The following PARP12 variants were observed in gnomAD, a reference collection of about 807,000 sequenced individuals.
PARP12 encodes the protein protein mono-ADP-ribosyltransferase PARP12.
A neutral mutation model predicts 72.4 loss-of-function variants in PARP12; 59 were observed. That is an observed-to-expected ratio of 0.81 (90% CI 0.66 to 1.01). The LOEUF is 1.01. Ranked by LOEUF, PARP12 falls within the 50% of genes least tolerant of loss-of-function variation. The probability of loss-of-function intolerance (pLI) is 0.00; values close to 1 mark genes in which losing one functional copy is unlikely to be tolerated. For synonymous variants in PARP12, 403 were observed against 371.4 expected (o/e 1.09, Z -0.98); for missense variants, 851 against 914.0 (o/e 0.93, Z 0.89).
intron 7 of PARP12, among the ~76,000 whole-genome samples, chr7:140,035,747 G>C (rs1309933113): frequency 6.6e-6 from 1 of 152,110 alleles, no homozygotes; most frequent in Non-Finnish European, 1.5e-5. Context: ...AGTTTGCTTT[G>C]AGACTTGCTT....
chr7:140,026,459 C>G, intron 10 of PARP12, 111 bp from the exon 11 acceptor site: 1 of 1,431,070 alleles, frequency 7.0e-7, no homozygotes, highest in Non-Finnish European at 9.4e-7. Context: ...GTCCTGGGAC[C>G]AAGAGACGCA....
At chr7:140,052,295 T>G (rs1816995798) in intron 4 of PARP12, among the ~76,000 whole-genome samples, 1 of 152,248 alleles carries the variant, frequency 6.6e-6, no homozygotes, top group Non-Finnish European at 1.5e-5. Flanking sequence ...TGTCAGTTAC[T>G]GTTTGTGCTG....
Position 140,026,288 on chromosome 7 carries a change from G to A in PARP12, c.1689C>T (p.Phe563=). 3.1e-6 allele frequency: 5 copies of A among 1,613,564 alleles called. No homozygotes were observed. Among genetic ancestry groups the A allele is most frequent in the Non-Finnish European group, 3.4e-6 (4 of 1,179,986 alleles). ...GGKAVDERQL[F]HGTSAIFVDA... is the part of the protein sequence containing the mutation. Reference sequence around the variant, plus strand: ...CCACAAAAATGGCGCTGGTGCCGTGGAACAGCTGCCGCTCGTCCACGGCCT... The same window carrying A: ...CCACAAAAATGGCGCTGGTGCCGTGAAACAGCTGCCGCTCGTCCACGGCCT... Residue 563 remains phenylalanine (F), a synonymous_variant, in exon 11 of 12, where the codon TTC becomes TTT. Transcript: ENST00000263549.
At chr7:140,060,959 C>G (rs932628605) in intron 1 of PARP12, among the ~76,000 whole-genome samples, 1 of 152,228 alleles carries the variant, frequency 6.6e-6, no homozygotes, top group Non-Finnish European at 1.5e-5. Context: ...CCTGGGCATG[C>G]TTCCAAACTA....
Position 140,057,041 on chromosome 7 carries a change from C to T in PARP12, c.575G>A (p.Gly192Asp). ...ATCATGGGATCTCTTACAGCTAGTGCCAAACTTGCATTCCCCCTGTAAAAA... is the reference window on the plus strand; with the variant it reads ...ATCATGGGATCTCTTACAGCTAGTGTCAAACTTGCATTCCCCCTGTAAAAA... ...QYFLQGECKF[G>D]TSCKRSHDFS... The change falls in exon 3 of 12, where the codon GGC becomes GAC. Residue 192 changes from glycine (G) to aspartate (D), a missense_variant. Transcript: ENST00000263549. 6.2e-7 allele frequency: 1 copy of T among 1,614,216 alleles called. No homozygotes were observed. The highest frequency in any genetic ancestry group is 8.5e-7 in the Non-Finnish European group (1 of 1,180,048).
intron 1 of PARP12, 68 bp from the exon 2 acceptor site, chr7:140,058,102 T>C: frequency 2.0e-6 from 3 of 1,538,400 alleles, no homozygotes; most frequent in Non-Finnish European, 2.7e-6. Flanking sequence ...GTTGGAGTCC[T>C]AACTCCCACG....
Position 140,062,913 on chromosome 7 carries a change from G to A in PARP12, c.-66C>T. 1.7e-6 allele frequency: 2 copies of A among 1,200,122 alleles called. No individual in the cohort carries two copies. Among genetic ancestry groups the A allele is most frequent in the African/African-American group, 1.6e-5 (1 of 62,384 alleles). The allele number at this position is 1,200,122 out of a possible 1,614,324, so 74.3% of individuals were successfully genotyped here. The stretch of plus-strand genomic sequence containing the variant: ...CGCGGACGGCGGCGGACGCTGGCTG[G>A]CGGGCGGCTCTCGCAGGGTGGAGAC... On this transcript the variant is annotated 5_prime_UTR_variant, in exon 1 of 12. Transcript: ENST00000263549.
intron 7 of PARP12, 89 bp from the exon 8 acceptor site, chr7:140,034,420 A>G: frequency 8.9e-7 from 1 of 1,127,384 alleles, no homozygotes; most frequent in Non-Finnish European, 1.3e-6. Context: ...AATTAGATAG[A>G]TTTGAAAGCT....
intron 7 of PARP12, among the ~76,000 whole-genome samples, chr7:140,036,428 G>A (rs778822574): frequency 2.0e-5 from 3 of 152,088 alleles, no homozygotes; most frequent in Admixed American, 1.3e-4. Flanking sequence ...CAGACCACAC[G>A]TGGCTGGCGC....
At chr7:140,030,088 C>A (rs1815883279) in intron 8 of PARP12, among the ~76,000 whole-genome samples, 3 of 152,192 alleles carry the variant, frequency 2.0e-5, no homozygotes, top group Admixed American at 1.3e-4. Context: ...AGTGAGGATG[C>A]CTACCTCCAA....
intron 3 of PARP12, among the ~76,000 whole-genome samples, chr7:140,056,402 C>T (rs549364768): frequency 6.6e-6 from 1 of 152,296 alleles, no homozygotes; most frequent in Admixed American, 6.5e-5. Flanking sequence ...ACAGCCAATG[C>T]CATAATTAAG....
Position 140,024,884 on chromosome 7 carries a change from CCCT to C in PARP12, c.1781-2_1781del. ...ATGCAGCATCTCGGGCAAAGTAGCT[CCCT>C]GAAATGACACACGAGGGCTCAGCTG... is the stretch of plus-strand genomic sequence containing the variant. On this transcript the variant is annotated splice_acceptor_variant and coding_sequence_variant, in exon 12 of 12. Transcript: ENST00000263549. LOFTEE classifies it high-confidence loss of function. 1 of 1,611,990 alleles carries C rather than the reference CCCT, an allele frequency of 6.2e-7. No homozygotes were observed. Among genetic ancestry groups the C allele is most frequent in the Non-Finnish European group, 8.5e-7 (1 of 1,178,416 alleles).
rs374090948 is a variant in PARP12 at position 140,057,978 on chromosome 7, C to G, written c.383G>C (p.Arg128Thr). ...GCTCAGGTGGTCAACGCCATGAGTT[C>G]TCAGCACACTCAGGTTGTGTTCGGT... ...LTTEHNLSVL[R>T]THGVDHLSYN... is the part of the protein sequence containing the mutation. The change falls in exon 2 of 12, where the codon AGA becomes ACA. Residue 128 changes from arginine (R) to threonine (T), a missense_variant. Transcript: ENST00000263549. 45 of 1,614,106 alleles carry G rather than the reference C, an allele frequency of 2.8e-5. No homozygotes were observed. Among genetic ancestry groups the G allele is most frequent in the Non-Finnish European group, 3.4e-5 (40 of 1,180,044 alleles).
Position 140,037,814 on chromosome 7 carries a change from C to T in PARP12, c.1225G>A (p.Glu409Lys), listed in dbSNP as rs377324671. The T allele has an allele frequency of 6.2e-6, 10 of 1,613,924 alleles. No homozygotes were observed. The highest frequency in any genetic ancestry group is 7.6e-6 in the Non-Finnish European group (9 of 1,179,770). ...GTACAGTAGGCCAGGTAGGCCTTCT[C>T]CACGTCGCTACTGCTGACAGTGGTC... ...PVTTVSSSDV[E>K]KAYLAYCTPG... Residue 409 changes from glutamate to lysine, a missense_variant, in exon 7 of 12, where the codon GAG (glutamate) becomes AAG (lysine). Transcript: ENST00000263549.
At chr7:140,028,526 A>T in intron 9 of PARP12, 87 bp downstream of exon 9, 1 of 1,155,828 alleles carries the variant, frequency 8.7e-7, no homozygotes, top group Non-Finnish European at 1.2e-6. Flanking sequence ...CAGCTTCTTC[A>T]GTGTTGAGGA....
rs1351901327 is a variant in PARP12, at chr7:140,028,701, A to G, written c.1422-13T>C. The G allele has an allele frequency of 1.9e-6, 3 of 1,586,578 alleles. No individual in the cohort carries two copies. The highest frequency in any genetic ancestry group is 1.3e-5 in the African/African-American group (1 of 74,528). ...AAACTTGGTATTGCTACAAAAATGT[A>G]AACAAAAACACGTAGACATTTTATT... On this transcript the variant is annotated splice_polypyrimidine_tract_variant and intron_variant, in intron 8 of 11. Coordinates refer to ENST00000263549, the MANE Select transcript of PARP12 (RefSeq NM_022750.4).
At chr7:140,045,983 TGAACGATG>T (rs138967370) in intron 5 of PARP12, among the ~76,000 whole-genome samples, 4,537 of 152,184 alleles carry the variant, frequency 0.03, 112 homozygotes, top group Middle Eastern at 0.061. Context: ...AGAACGGTGG[TGAACGATG>T]GGAGTAGGCA....
intron 3 of PARP12, among the ~76,000 whole-genome samples, chr7:140,055,348 C>T (rs1817137162): frequency 6.6e-6 from 1 of 152,074 alleles, no homozygotes; most frequent in Admixed American, 6.5e-5. Context: ...AATGAAGCCC[C>T]TTTAATTAAT....
intron 8 of PARP12, chr7:140,033,826 C>T (rs888453677): frequency 5.1e-6 from 5 of 987,024 alleles, no homozygotes; most frequent in East Asian, 1.1e-4. Context: ...TTTGGTATTC[C>T]GTGATATTCA....
Sources: gnomAD v4.1 joint callset for allele counts (sites outside exome capture counted in the v4.1 genomes callset) on GRCh38, gnomAD v4.1.1 for gene constraint, MANE v1.5 for transcripts, NCBI Gene and HGNC (gene_info 2026-07-23, HGNC 2026-07-21) for gene names.